Variants in ATP11A observed in about 807,000 individuals in gnomAD.
ATP11A encodes phospholipid-transporting ATPase IH.
In ATP11A, 81 loss-of-function variants were observed where a neutral mutation model predicts 154.4. The observed-to-expected ratio is 0.52, with a 90% CI of 0.44 to 0.63. The LOEUF (loss-of-function observed/expected upper bound fraction) is 0.63. ATP11A is among the 30% of genes least tolerant of loss of function. The probability of loss-of-function intolerance (pLI) is 0.00; values close to 1 mark genes in which losing one functional copy is unlikely to be tolerated. For missense variants in ATP11A, 1,316 were observed against 1,474.3 expected (o/e 0.89, Z 1.76); for synonymous variants, 623 against 585.9 (o/e 1.06, Z -0.91).
intron 2 of ATP11A, among the ~76,000 whole-genome samples, chr13:112,792,048 C>T (rs2077874879): frequency 6.6e-6 from 1 of 152,182 alleles, no homozygotes; most frequent in Non-Finnish European, 1.5e-5. Context: ...TCAAATCCGC[C>T]CATGCATTGA....
chr13:112,727,188 C>T (rs1178768521), intron 1 of ATP11A, among the ~76,000 whole-genome samples: 1 of 152,192 alleles, frequency 6.6e-6, no homozygotes, highest in Non-Finnish European at 1.5e-5. Context: ...GCTGGGATTA[C>T]AGGCATGTGC....
At chr13:112,817,536 G>A (rs550393654) in intron 6 of ATP11A, among the ~76,000 whole-genome samples, 142 of 152,312 alleles carry the variant, frequency 9.3e-4, no homozygotes, top group African/African-American at 3.3e-3. Flanking sequence ...TCTGGAACCT[G>A]GGAGGAGGTT....
chr13:112,824,161 A>AAG (rs113837668), intron 9 of ATP11A, among the ~76,000 whole-genome samples, 183 bp from the exon 10 acceptor site: 3,243 of 152,286 alleles, frequency 0.021, 123 homozygotes, highest in African/African-American at 0.075. Context: ...CCTATGCATG[A>AAG]AGAAGGGTCT....
intron 2 of ATP11A, among the ~76,000 whole-genome samples, chr13:112,794,137 T>C: frequency 6.6e-6 from 1 of 152,216 alleles, no homozygotes; most frequent in East Asian, 1.9e-4. Context: ...CCAGATTTCC[T>C]GTAGGAGGAA....
chr13:112,712,636 G>A (rs1333263437), intron 1 of ATP11A, among the ~76,000 whole-genome samples: 1 of 152,228 alleles, frequency 6.6e-6, no homozygotes, highest in Non-Finnish European at 1.5e-5. Context: ...CCTGCGCAGA[G>A]CCCCTCTCAC....
intron 1 of ATP11A, among the ~76,000 whole-genome samples, chr13:112,712,161 G>A (rs928622475): frequency 2.0e-5 from 3 of 152,144 alleles, no homozygotes; most frequent in Non-Finnish European, 4.4e-5. Flanking sequence ...AGTGACACAC[G>A]CTATGCTGCT....
At chr13:112,728,050 G>T (rs1041325335) in intron 1 of ATP11A, among the ~76,000 whole-genome samples, 4 of 152,236 alleles carry the variant, frequency 2.6e-5, no homozygotes, top group African/African-American at 9.6e-5. Flanking sequence ...GAAAAGGGCA[G>T]ATAGTGAATG....
intron 2 of ATP11A, among the ~76,000 whole-genome samples, chr13:112,787,300 G>C (rs1414974276): frequency 1.1e-5 from 1 of 91,348 alleles, no homozygotes; most frequent in Admixed American, 1.0e-4. Context: ...AATTCACACC[G>C]GGTGTCCTGA....
intron 3 of ATP11A, 102 bp from the exon 4 acceptor site, chr13:112,806,111 A>T: frequency 2.5e-6 from 2 of 787,694 alleles, no homozygotes; most frequent in Non-Finnish European, 4.3e-6. Context: ...GTCTTTAAAT[A>T]AGTCAAAGCG....
intron 1 of ATP11A, among the ~76,000 whole-genome samples, chr13:112,695,290 G>A (rs1885673130): frequency 6.6e-6 from 1 of 152,178 alleles, no homozygotes; most frequent in Admixed American, 6.5e-5. Context: ...GCAGTGTGGT[G>A]GCAAGCCTGC....
At position 112,767,801 on chromosome 13, in the gene ATP11A, C is replaced by T. The variant is rs140421763; in HGVS notation, c.40-17334C>T. Among the ~76,000 whole-genome samples, 43 of 152,260 alleles carry T rather than the reference C, an allele frequency of 2.8e-4. No homozygotes were observed. The East Asian group carries it at 6.2e-3, about 22-fold the overall frequency. ...AGTCTAGGACTCCAGAGCGTGAGTG[C>T]GTCTGTGGTGGTGGGCTTGACCTGA... On this transcript the variant is annotated intron_variant, in intron 1 of 29. Transcript: ENST00000375645.
At chr13:112,700,864 AGTT>A (rs1014456393) in intron 1 of ATP11A, among the ~76,000 whole-genome samples, 1 of 152,200 alleles carries the variant, frequency 6.6e-6, no homozygotes, top group Non-Finnish European at 1.5e-5. Flanking sequence ...CATCCAGGGC[AGTT>A]GTTCACTAGC....
At chr13:112,717,615 A>G (rs1376766681) in intron 1 of ATP11A, 1 of 152,220 alleles carries the variant, frequency 6.6e-6, no homozygotes, top group Non-Finnish European at 1.5e-5. Flanking sequence ...TTATTTGCTA[A>G]TTCATTTTTC....
intron 8 of ATP11A, among the ~76,000 whole-genome samples, chr13:112,821,951 C>A (rs564435664): frequency 2.0e-4 from 30 of 152,102 alleles, no homozygotes; most frequent in Admixed American, 4.6e-4. Flanking sequence ...TTAGTGATTG[C>A]CGGGGAGGAC....
At position 112,824,442 on chromosome 13, in the gene ATP11A, G is replaced by A. The variant is rs146945029; in HGVS notation, c.872+17G>A. Reference sequence around the variant, plus strand: ...CGTGGAAAAGTAAGGCTGGATGCGCGTGAGAACCTGCAACTTAAAAGTGTC... The same window carrying A: ...CGTGGAAAAGTAAGGCTGGATGCGCATGAGAACCTGCAACTTAAAAGTGTC... On this transcript the variant is annotated intron_variant, in intron 10 of 29. Transcript: ENST00000375645. The A allele has an allele frequency of 2.8e-4, 447 of 1,610,766 alleles. 2 individuals are homozygous for A. In the Middle Eastern group the frequency reaches 4.5e-3, roughly 16 times the overall value.
rs1885807656 is a variant in ATP11A, at chr13:112,696,393, C to T, written c.39+5938C>T. Among the ~76,000 whole-genome samples the T allele has an allele frequency of 6.6e-6, 1 of 152,028 alleles. No individual in the cohort carries two copies. The highest frequency in any genetic ancestry group is 2.4e-5 in the African/African-American group (1 of 41,386). ...AGCGGTGGTCACTGGTGGGAACGCC[C>T]CTGCCACGCCCAGCAGCCTTTCTGC... On this transcript the variant is annotated intron_variant, in intron 1 of 29. Coordinates refer to ENST00000375645, the MANE Select transcript of ATP11A (RefSeq NM_015205.3). The surrounding 1 kb of genome is among the most constrained non-coding windows in gnomAD (Gnocchi z 6.2).
In ATP11A at chr13:112,882,044, C is replaced by T. The variant is rs144291315; in HGVS notation, c.*178C>T. The stretch of plus-strand genomic sequence containing the variant: ...CCCAAGTCACAGCTGCCCTAGGTCC[C>T]GTGTGGGAATGCTCGTGTGATGGAT... On this transcript the variant is annotated 3_prime_UTR_variant, in exon 30 of 30. Transcript: ENST00000375645. This position sits in a 1 kb window ranked among gnomAD's most constrained non-coding sequence, Gnocchi z 5.1. 5.2e-5 allele frequency: 71 copies of T among 1,367,640 alleles called. 1 individual carries two copies. In the African/African-American group the frequency reaches 6.1e-4, roughly 12 times the overall value. The allele number at this position is 1,367,640 out of a possible 1,614,324, so 84.7% of individuals were successfully genotyped here.
chr13:112,801,563 A>C (rs1039360329), intron 2 of ATP11A, among the ~76,000 whole-genome samples: 1 of 152,248 alleles, frequency 6.6e-6, no homozygotes, highest in East Asian at 1.9e-4. Context: ...AACAATAACA[A>C]AAAAACTTCT....
chr13:112,816,105 A>G lies in ATP11A; in HGVS notation c.464A>G (p.Lys155Arg). 6.2e-7 allele frequency: 1 copy of G among 1,614,222 alleles called. No homozygotes were observed. Among genetic ancestry groups the G allele is most frequent in the Non-Finnish European group, 8.5e-7 (1 of 1,180,054 alleles). Residue 155 changes from lysine to arginine, a missense_variant, in exon 6 of 30, where the codon AAG (lysine) becomes AGG (arginine). Lys to Arg is a conservative substitution (Grantham distance 26). Around this residue, in one of 5 missense-constraint regions of ATP11A, gnomAD observed 876 missense variants for 1,006.8 expected, o/e 0.87. Transcript: ENST00000375645. ...KLRVGDIVMV[K>R]EDETFPCDLI... ...TAGGTTGGGGACATTGTCATGGTTA[A>G]GGAGGACGAGACCTTTCCCTGCGAC...
Sources: allele counts gnomAD v4.1 joint callset (sites outside exome capture counted in the v4.1 genomes callset), GRCh38; gene constraint gnomAD v4.1.1; regional missense constraint gnomAD v4.1.1; non-coding constraint Gnocchi (gnomAD v3.1); transcripts MANE v1.5; gene names NCBI Gene and HGNC (gene_info 2026-07-23, HGNC 2026-07-21).